Variants in IL1RAPL2 observed in about 807,000 individuals in gnomAD.
IL1RAPL2 encodes interleukin 1 receptor accessory protein like 2.
IL1RAPL2 carries 3 observed loss-of-function variants against 44.1 expected under a neutral mutation model. The ratio of observed to expected loss-of-function variants is 0.07; its 90% CI spans 0.03 to 0.18. IL1RAPL2 has a LOEUF of 0.18. Among genes scored for constraint, IL1RAPL2 ranks in the 10% least tolerant of loss-of-function variants. The probability of loss-of-function intolerance (pLI) is 1.00; values close to 1 mark genes in which losing one functional copy is unlikely to be tolerated. For missense variants in IL1RAPL2, 391 were observed against 496.4 expected, an observed-to-expected ratio of 0.79 and a Z score of 2.02; for synonymous variants, 181 against 178.8, an observed-to-expected ratio of 1.01 and a Z score of -0.10.
chrX:104,785,097 A>G (rs1160768461), intron 2 of IL1RAPL2, among the ~76,000 whole-genome samples: 2 of 109,908 alleles, frequency 1.8e-5, no homozygotes, highest in East Asian at 2.9e-4. Flanking sequence ...CTGCAACCTC[A>G]ACCTCCCGGG....
At chrX:105,374,552 C>T (rs2035370895) in intron 5 of IL1RAPL2, among the ~76,000 whole-genome samples, 1 of 110,823 alleles carries the variant, frequency 9.0e-6, no homozygotes, top group South Asian at 3.8e-4. Flanking sequence ...AGAGATCTTA[C>T]ACCTCCCTGG....
intron 2 of IL1RAPL2, among the ~76,000 whole-genome samples, chrX:105,173,352 G>C (rs915092235): frequency 3.6e-5 from 4 of 111,935 alleles, no homozygotes; most frequent in African/African-American, 1.3e-4. Context: ...GGAGCAATGC[G>C]GAAGCCAACA....
intron 2 of IL1RAPL2, among the ~76,000 whole-genome samples, chrX:104,675,344 A>G (rs1226734426): frequency 6.3e-5 from 7 of 111,379 alleles, no homozygotes; most frequent in Non-Finnish European, 1.3e-4. Flanking sequence ...TTCTGCCTTC[A>G]TTTCGTTATG....
intron 2 of IL1RAPL2, among the ~76,000 whole-genome samples, chrX:104,753,671 A>G (rs1360637953): frequency 9.0e-6 from 1 of 111,666 alleles, no homozygotes; most frequent in African/African-American, 3.2e-5. Context: ...TAAAGTCTCC[A>G]TTAGGAACAT....
chrX:105,051,823 C>T (rs1321728013), intron 2 of IL1RAPL2, among the ~76,000 whole-genome samples: 4 of 105,666 alleles, frequency 3.8e-5, no homozygotes, highest in African/African-American at 1.3e-4. Flanking sequence ...ACAATGAGAA[C>T]ACATGAACAC....
At chrX:104,769,307 T>C (rs1454438694) in intron 2 of IL1RAPL2, among the ~76,000 whole-genome samples, 1 of 111,477 alleles carries the variant, frequency 9.0e-6, no homozygotes, top group East Asian at 2.8e-4. Flanking sequence ...ACACTGGCCA[T>C]TGATGTTGTA....
chrX:105,126,062 G>T (rs1393588703), intron 2 of IL1RAPL2, among the ~76,000 whole-genome samples: 2 of 110,929 alleles, frequency 1.8e-5, no homozygotes, highest in Admixed American at 1.9e-4. Context: ...GGCAGAACAT[G>T]CTATTTTTGT....
chrX:104,660,338 A>G (rs974208534), intron 2 of IL1RAPL2, among the ~76,000 whole-genome samples: 1 of 109,843 alleles, frequency 9.1e-6, no homozygotes, highest in Admixed American at 9.9e-5. Flanking sequence ...GTTGAACCAG[A>G]TTGCATTTTC....
intron 5 of IL1RAPL2, among the ~76,000 whole-genome samples, chrX:105,409,857 C>T (rs5962510): frequency 3.3e-5 from 2 of 60,539 alleles, no homozygotes; most frequent in Non-Finnish European, 6.9e-5. Context: ...GACAGACAGA[C>T]AGACAGACAG....
chrX:104,756,244 G>A (rs1050805514), intron 2 of IL1RAPL2, among the ~76,000 whole-genome samples: 3 of 105,612 alleles, frequency 2.8e-5, no homozygotes, highest in Non-Finnish European at 2.0e-5. Context: ...GAAATGTGTT[G>A]TTTCGAAGGA....
Position 105,384,305 on chromosome X carries a change from C to A in IL1RAPL2, c.698-100008C>A, listed in dbSNP as rs777879579. Among the ~76,000 whole-genome samples the A allele has an allele frequency of 5.4e-5, 6 of 111,281 alleles. No individual in the cohort carries two copies. In the East Asian group the frequency reaches 1.7e-3, roughly 31 times the overall value. ...TTTGTATTTGGCTAGAGATAGGGAC[C>A]TAGTTTTATTATTTTGCATATGGAT... On this transcript the variant is annotated intron_variant, in intron 5 of 10. Coordinates refer to ENST00000372582, the MANE Select transcript of IL1RAPL2 (RefSeq NM_017416.2).
At chrX:104,602,451 A>G (rs769275095) in intron 1 of IL1RAPL2, among the ~76,000 whole-genome samples, 24 of 111,204 alleles carry the variant, frequency 2.2e-4, no homozygotes, top group Admixed American at 1.6e-3. Context: ...CCATACCCCA[A>G]TGGCACCTGG....
intron 1 of IL1RAPL2, among the ~76,000 whole-genome samples, chrX:104,582,914 AGTATTACTCTGTT>A (rs1928439988): frequency 1.3e-5 from 1 of 79,710 alleles, no homozygotes. Flanking sequence ...GAGATGATGG[AGTATTACTCTGTT>A]GCCCAGGCTG....
At chrX:105,226,161 C>G (rs782039378) in intron 3 of IL1RAPL2, among the ~76,000 whole-genome samples, 3 of 110,792 alleles carry the variant, frequency 2.7e-5, no homozygotes, top group Non-Finnish European at 5.7e-5. Flanking sequence ...CCCAATACTT[C>G]TACAAGTATC....
chrX:105,313,775 A>G (rs1391797731), intron 5 of IL1RAPL2, among the ~76,000 whole-genome samples: 1 of 111,914 alleles, frequency 8.9e-6, no homozygotes, highest in African/African-American at 3.2e-5. Context: ...ACAGTTTAAT[A>G]ACATAACTGC....
At chrX:104,646,474 T>C (rs1413125439) in intron 1 of IL1RAPL2, among the ~76,000 whole-genome samples, 1 of 111,932 alleles carries the variant, frequency 8.9e-6, no homozygotes, top group Non-Finnish European at 1.9e-5. Flanking sequence ...GTAGGTATCA[T>C]ATTAATTTTA....
chrX:105,195,364 A>G (rs1341235547), intron 2 of IL1RAPL2, 111 bp from the exon 3 acceptor site: 2 of 719,640 alleles, frequency 2.8e-6, no homozygotes, highest in African/African-American at 4.3e-5. Context: ...GGGAAGATTG[A>G]ATGAAGTAAT....
chrX:105,448,181 T>A, intron 5 of IL1RAPL2, among the ~76,000 whole-genome samples: 1 of 108,313 alleles, frequency 9.2e-6, no homozygotes. Flanking sequence ...TATCCTTTAC[T>A]TTTGGGAGTT....
intron 5 of IL1RAPL2, among the ~76,000 whole-genome samples, chrX:105,386,287 T>C (rs1212464566): frequency 8.9e-6 from 1 of 111,957 alleles, no homozygotes; most frequent in Non-Finnish European, 1.9e-5. Context: ...ATTTTAATTA[T>C]ATTTGTCTTA....
Sources: gnomAD v4.1 joint callset for allele counts (sites outside exome capture counted in the v4.1 genomes callset) on GRCh38, gnomAD v4.1.1 for gene constraint, MANE v1.5 for transcripts, NCBI Gene and HGNC (gene_info 2026-07-23, HGNC 2026-07-21) for gene names.